MICU2: variants seen among roughly 807,000 people sequenced by gnomAD.
MICU2 encodes the protein calcium uptake protein 2, mitochondrial.
In MICU2, 64 loss-of-function variants were observed where a neutral mutation model predicts 60.4. The observed-to-expected ratio is 1.06, with a 90% confidence interval of 0.87 to 1.31. The LOEUF (loss-of-function observed/expected upper bound fraction) is 1.31. MICU2 is among the 50% of genes most tolerant of loss of function. MICU2 has a pLI of 0.00. For missense variants in MICU2, 569 were observed against 531.0 expected (o/e 1.07, Z -0.70); for synonymous variants, 201 against 175.0 (o/e 1.15, Z -1.17).
intron 1 of MICU2, among the ~76,000 whole-genome samples, chr13:21,571,941 CT>C (rs1487443464): frequency 6.6e-6 from 1 of 152,196 alleles, no homozygotes; most frequent in Admixed American, 6.5e-5. Flanking sequence ...TTCACATTTT[CT>C]TTTGTTAATC....
chr13:21,521,389 A>G, intron 5 of MICU2, 62 bp from the exon 6 acceptor site: 2 of 1,356,672 alleles, frequency 1.5e-6, no homozygotes, highest in Non-Finnish European at 2.1e-6. Context: ...TTGTAGATAG[A>G]TAGGTCTTCA....
chr13:21,555,114 C>T (rs1334736545), intron 2 of MICU2, among the ~76,000 whole-genome samples: 2 of 152,182 alleles, frequency 1.3e-5, no homozygotes, highest in Admixed American at 6.5e-5. Context: ...GATACCATTC[C>T]TTCTGAAACT....
chr13:21,535,597 T>C (rs143818351), intron 4 of MICU2, among the ~76,000 whole-genome samples: 1 of 152,294 alleles, frequency 6.6e-6, no homozygotes, highest in African/African-American at 2.4e-5. Context: ...AAAAATACCA[T>C]TTATTTACAA....
At chr13:21,497,190 T>G (rs1169582908) in intron 9 of MICU2, among the ~76,000 whole-genome samples, 1 of 144,254 alleles carries the variant, frequency 6.9e-6, no homozygotes, top group African/African-American at 2.6e-5. Context: ...CTGGTCAACA[T>G]GGTGAAAAAG....
chr13:21,504,584 C>A (rs1886249948), intron 8 of MICU2, among the ~76,000 whole-genome samples: 1 of 152,158 alleles, frequency 6.6e-6, no homozygotes, highest in African/African-American at 2.4e-5. Flanking sequence ...AACTCTGGAA[C>A]ATGAGCTGAA....
intron 4 of MICU2, among the ~76,000 whole-genome samples, chr13:21,523,261 C>G (rs1003135021): frequency 3.3e-5 from 5 of 152,130 alleles, no homozygotes; most frequent in Non-Finnish European, 5.9e-5. Flanking sequence ...TTCTTCACAG[C>G]CAACCTCTAT....
At chr13:21,603,267 C>A (rs1888868519) in intron 1 of MICU2, among the ~76,000 whole-genome samples, 1 of 152,150 alleles carries the variant, frequency 6.6e-6, no homozygotes, top group South Asian at 2.1e-4. Context: ...CCACCGCGCC[C>A]GGCGGACTCT....
intron 1 of MICU2, among the ~76,000 whole-genome samples, chr13:21,573,406 G>T (rs1272339083): frequency 6.6e-6 from 1 of 152,044 alleles, no homozygotes; most frequent in East Asian, 1.9e-4. Context: ...CTGAGTAGCT[G>T]GGACTACAGG....
intron 1 of MICU2, among the ~76,000 whole-genome samples, chr13:21,585,439 T>C (rs1888435263): frequency 6.6e-6 from 1 of 152,226 alleles, no homozygotes; most frequent in Non-Finnish European, 1.5e-5. Context: ...TTACATGTAC[T>C]GTCATTAAAC....
At chr13:21,568,190 G>T (rs1888027960) in intron 1 of MICU2, among the ~76,000 whole-genome samples, 1 of 152,142 alleles carries the variant, frequency 6.6e-6, no homozygotes, top group Non-Finnish European at 1.5e-5. Flanking sequence ...GGAAAAACAT[G>T]AATTCCAGTT....
intron 2 of MICU2, among the ~76,000 whole-genome samples, chr13:21,547,808 G>T (rs536587755): frequency 1.1e-4 from 16 of 152,010 alleles, no homozygotes; most frequent in South Asian, 2.1e-4. Flanking sequence ...TGGGGGTAGA[G>T]CATCTGCAGT....
chr13:21,591,086 T>A, intron 1 of MICU2, among the ~76,000 whole-genome samples: 1 of 151,774 alleles, frequency 6.6e-6, no homozygotes, highest in East Asian at 1.9e-4. Flanking sequence ...AGACACAGAC[T>A]GGCAAATTGA....
intron 6 of MICU2, chr13:21,515,684 T>TAG: frequency 3.7e-6 from 1 of 272,572 alleles, no homozygotes; most frequent in Non-Finnish European, 7.7e-6. Context: ...TCTGGGCTAT[T>TAG]TAACAGTTTG....
At chr13:21,601,162 C>G (rs1593363948) in intron 1 of MICU2, among the ~76,000 whole-genome samples, 1 of 152,176 alleles carries the variant, frequency 6.6e-6, no homozygotes, top group Non-Finnish European at 1.5e-5. Context: ...ACCAATGTAA[C>G]TATATTAATG....
intron 2 of MICU2, among the ~76,000 whole-genome samples, chr13:21,563,688 T>C (rs1339083097): frequency 6.6e-6 from 1 of 152,174 alleles, no homozygotes; most frequent in Admixed American, 6.5e-5. Flanking sequence ...TTTTGAATAT[T>C]CTGTTTTTCT....
At position 21,539,695 on chromosome 13, in the gene MICU2, C is replaced by T. The variant is rs1593334057; in HGVS notation, c.359-7G>A. The T allele has an allele frequency of 6.2e-7, 1 of 1,613,468 alleles. No homozygotes were observed. The highest frequency in any genetic ancestry group is 2.2e-5 in the East Asian group (1 of 44,854). On this transcript the variant is annotated splice_region_variant and splice_polypyrimidine_tract_variant and intron_variant, in intron 2 of 11. Transcript: ENST00000382374. ...TTCTTGACTGAAGTTTTACCTACAACAAATAAGAAACATTATTTAGTATCC... is the reference window on the plus strand; with the variant it reads ...TTCTTGACTGAAGTTTTACCTACAATAAATAAGAAACATTATTTAGTATCC...
chr13:21,579,162 C>T (rs1007059515), intron 1 of MICU2, among the ~76,000 whole-genome samples: 1 of 152,112 alleles, frequency 6.6e-6, no homozygotes, highest in South Asian at 2.1e-4. Flanking sequence ...AGATATTATA[C>T]CAAAACAGGT....
intron 5 of MICU2, 141 bp downstream of exon 5, chr13:21,522,462 C>T (rs891026543): frequency 2.4e-5 from 15 of 620,666 alleles, no homozygotes; most frequent in Middle Eastern, 3.6e-4. Context: ...CCTAATCCAA[C>T]ATTATCATTT....
intron 4 of MICU2, 21 bp from the exon 5 acceptor site, chr13:21,522,671 C>T: frequency 3.2e-6 from 5 of 1,563,298 alleles, no homozygotes; most frequent in African/African-American, 1.4e-5. Context: ...TAAAAACATA[C>T]CAGAAAATAA....
Sources: gnomAD v4.1 joint callset for allele counts (sites outside exome capture counted in the v4.1 genomes callset) on GRCh38, gnomAD v4.1.1 for gene constraint, MANE v1.5 for transcripts, NCBI Gene and HGNC (gene_info 2026-07-23, HGNC 2026-07-21) for gene names.